Variants in NELL1 observed in about 807,000 individuals in gnomAD.
NELL1 encodes the protein protein kinase C-binding protein NELL1.
NELL1 carries 76 observed loss-of-function variants against 107.4 expected under a neutral mutation model. The observed-to-expected ratio is 0.71, with a 90% CI of 0.59 to 0.86. The LOEUF is 0.86. Among genes scored for constraint, NELL1 ranks in the 40% least tolerant of loss-of-function variants. NELL1 has a pLI of 0.00. For missense variants in NELL1, 1,024 were observed against 1,005.5 expected (o/e 1.02, Z -0.25); for synonymous variants, 353 against 341.2 (o/e 1.03, Z -0.38).
Position 21,500,487 on chromosome 11 carries a change from T to G in NELL1, c.1646-33887T>G, listed in dbSNP as rs1855108816. Among the ~76,000 whole-genome samples, 4 of 152,232 alleles carry G rather than the reference T, an allele frequency of 2.6e-5. No individual in the cohort carries two copies. In the South Asian group the frequency reaches 8.3e-4, roughly 32 times the overall value. ...CTTGTATTTAGAAACATCCAATTTA[T>G]TATTTGTCCTTTATGACTTTAATAT... is the stretch of plus-strand genomic sequence containing the variant. On this transcript the variant is annotated intron_variant, in intron 15 of 19. Transcript: ENST00000357134.
At chr11:20,826,553 A>G (rs952833983) in intron 3 of NELL1, among the ~76,000 whole-genome samples, 9 of 151,028 alleles carry the variant, frequency 6.0e-5, no homozygotes, top group Non-Finnish European at 1.2e-4. Flanking sequence ...TGCCTCCAAC[A>G]TTCTTCAGAT....
At chr11:21,164,906 A>C (rs956510983) in intron 13 of NELL1, among the ~76,000 whole-genome samples, 1 of 152,138 alleles carries the variant, frequency 6.6e-6, no homozygotes, top group African/African-American at 2.4e-5. Flanking sequence ...AATATTCTTC[A>C]CCAGTATCTT....
At chr11:21,311,758 T>C (rs1209204450) in intron 14 of NELL1, among the ~76,000 whole-genome samples, 8 of 152,302 alleles carry the variant, frequency 5.3e-5, no homozygotes, top group South Asian at 2.1e-4. Flanking sequence ...CCAGCTACTT[T>C]ACATATTGTC....
At chr11:21,235,802 G>A (rs1791863) in intron 14 of NELL1, among the ~76,000 whole-genome samples, 3,298 of 152,218 alleles carry the variant, frequency 0.022, 107 homozygotes, top group African/African-American at 0.074. Flanking sequence ...AGTATGCAGA[G>A]CCTTAATGTC....
In NELL1 at chr11:20,743,431, G is replaced by A. The variant is rs78568061; in HGVS notation, c.185-40249G>A. On this transcript the variant is annotated intron_variant, in intron 2 of 19. Transcript: ENST00000357134. ...AGGGAACAAGACTCATCGCTTATCT[G>A]CCAAACCCAACCCTACTTTCTAGAC... Among the ~76,000 whole-genome samples, 687 of 152,158 alleles carry A rather than the reference G, an allele frequency of 4.5e-3. 3 individuals carry two copies. Among genetic ancestry groups the A allele is most frequent in the African/African-American group, 0.015 (638 of 41,524 alleles).
intron 15 of NELL1, among the ~76,000 whole-genome samples, chr11:21,490,909 A>C (rs528302601): frequency 1.3e-3 from 196 of 152,274 alleles, no homozygotes; most frequent in African/African-American, 4.6e-3. Flanking sequence ...CATGGCTAAG[A>C]CCGCAACAGC....
intron 12 of NELL1, among the ~76,000 whole-genome samples, chr11:21,099,252 C>T (rs554007366): frequency 1.3e-5 from 2 of 150,922 alleles, no homozygotes; most frequent in African/African-American, 4.9e-5. Context: ...CACACACACA[C>T]GGATCAGCTG....
intron 15 of NELL1, among the ~76,000 whole-genome samples, chr11:21,507,145 C>T (rs911886061): frequency 6.6e-6 from 1 of 152,202 alleles, no homozygotes; most frequent in Non-Finnish European, 1.5e-5. Context: ...CTCAAGACTG[C>T]TGAACTCCTT....
intron 15 of NELL1, among the ~76,000 whole-genome samples, chr11:21,499,205 G>A (rs965345340): frequency 6.6e-6 from 1 of 151,550 alleles, no homozygotes; most frequent in Non-Finnish European, 1.5e-5. Flanking sequence ...TTTTTTGTAT[G>A]TTATTAAACT....
chr11:21,124,063 A>G (rs1855432416), intron 13 of NELL1, among the ~76,000 whole-genome samples: 1 of 152,182 alleles, frequency 6.6e-6, no homozygotes, highest in African/African-American at 2.4e-5. Flanking sequence ...CCAAATAAAC[A>G]GAGAACAGAG....
chr11:20,948,179 A>T lies in NELL1; in HGVS notation c.1171+744A>T, dbSNP rs565108295. 1.8e-4 allele frequency among the ~76,000 whole-genome samples: 27 copies of T among 152,066 alleles called. No homozygotes were observed. In the East Asian group the frequency reaches 5.2e-3, roughly 29 times the overall value. Reference sequence around the variant, plus strand: ...TGCCTAAGCCTCCCAAGTAGCTGGGACTTCACAGGCATACACCATCACACC... The same window carrying T: ...TGCCTAAGCCTCCCAAGTAGCTGGGTCTTCACAGGCATACACCATCACACC... On this transcript the variant is annotated intron_variant, in intron 11 of 19. Transcript: ENST00000357134.
At chr11:21,367,923 T>C (rs1041439024) in intron 14 of NELL1, among the ~76,000 whole-genome samples, 5 of 152,074 alleles carry the variant, frequency 3.3e-5, no homozygotes, top group African/African-American at 1.2e-4. Flanking sequence ...GCTGTGCAAA[T>C]TACCAGTCCT....
At chr11:21,284,605 T>C in intron 14 of NELL1, 1 of 437,252 alleles carries the variant, frequency 2.3e-6, no homozygotes, top group Non-Finnish European at 4.6e-6. Flanking sequence ...ATGGTAATGC[T>C]CAGTCTTTAT....
At chr11:20,733,435 C>A (rs1185995147) in intron 2 of NELL1, among the ~76,000 whole-genome samples, 1 of 151,970 alleles carries the variant, frequency 6.6e-6, no homozygotes, top group African/African-American at 2.4e-5. Context: ...CTGGACCATG[C>A]CTAAAGAGAA....
intron 3 of NELL1, among the ~76,000 whole-genome samples, chr11:20,796,071 T>C (rs908677131): frequency 2.0e-5 from 3 of 152,174 alleles, no homozygotes; most frequent in Admixed American, 2.0e-4. Flanking sequence ...TCAGTAAATG[T>C]CATTTTTCTT....
intron 11 of NELL1, among the ~76,000 whole-genome samples, chr11:20,955,470 C>T (rs1014206225): frequency 9.2e-5 from 14 of 152,322 alleles, no homozygotes; most frequent in African/African-American, 3.1e-4. Context: ...AGAACCCTGG[C>T]ATTTCCACTA....
At chr11:21,348,957 A>C (rs911260820) in intron 14 of NELL1, among the ~76,000 whole-genome samples, 3 of 152,176 alleles carry the variant, frequency 2.0e-5, no homozygotes, top group Admixed American at 6.5e-5. Context: ...GTCAAGAAAC[A>C]CTTCTTTAAG....
chr11:21,342,978 T>C lies in NELL1; in HGVS notation c.1550-27875T>C, dbSNP rs552714621. 6.6e-5 allele frequency among the ~76,000 whole-genome samples: 10 copies of C among 152,272 alleles called. No individual in the cohort carries two copies. The South Asian group carries it at 2.1e-3, about 32-fold the overall frequency. On this transcript the variant is annotated intron_variant, in intron 14 of 19. Transcript: ENST00000357134. ...TTCCTCTTTGTTGTTCTTCTTTTAA[T>C]ACTGTTGAATGGAAAGCTCACCACA...
At chr11:20,952,056 G>GA (rs111641124) in intron 11 of NELL1, among the ~76,000 whole-genome samples, 117,846 of 148,102 alleles carry the variant, frequency 0.8, 47,388 homozygotes, top group Non-Finnish European at 0.86. Flanking sequence ...GTTAAAGGAT[G>GA]AAAAAAAAAA....
Sources: allele counts gnomAD v4.1 joint callset (sites outside exome capture counted in the v4.1 genomes callset), GRCh38; gene constraint gnomAD v4.1.1; transcripts MANE v1.5; gene names NCBI Gene and HGNC (gene_info 2026-07-23, HGNC 2026-07-21).